The following UTS2 variants were observed in gnomAD, a reference collection of about 807,000 sequenced individuals.
UTS2 encodes urotensin-2.
Under a neutral mutation model 12.6 loss-of-function variants are expected in UTS2, and 10 were observed. That is an observed-to-expected ratio of 0.80 (90% CI 0.49 to 1.35). The LOEUF (loss-of-function observed/expected upper bound fraction) is 1.35, where lower values mean the gene tolerates loss of function less well. Ranked by LOEUF, UTS2 falls within the 40% of genes most tolerant of loss-of-function variation. UTS2 has a pLI of 0.00. For synonymous variants in UTS2, 52 were observed against 50.0 expected (o/e 1.04, Z -0.17); for missense variants, 142 against 143.2 (o/e 0.99, Z 0.04).
At chr1:7,905,555 T>C in the UTS2 span, among the ~76,000 whole-genome samples, 3 of 152,024 alleles carry the variant, frequency 2.0e-5, no homozygotes, top group Non-Finnish European at 4.4e-5. Context: ...AAACTTTGAA[T>C]AAAGCAGATG....
chr1:7,882,496 T>C, the UTS2 span, among the ~76,000 whole-genome samples: 1 of 152,182 alleles, frequency 6.6e-6, no homozygotes, highest in Admixed American at 6.5e-5. Flanking sequence ...CTTCAGGACA[T>C]CAGTCTTGGC....
chr1:7,912,260 T>G, the UTS2 span, among the ~76,000 whole-genome samples: 4 of 152,162 alleles, frequency 2.6e-5, no homozygotes, highest in African/African-American at 9.7e-5. Flanking sequence ...CTGAGATTCC[T>G]GAAAACCAGC....
the UTS2 span, among the ~76,000 whole-genome samples, chr1:7,879,834 G>A: frequency 6.6e-6 from 1 of 151,922 alleles, no homozygotes; most frequent in Non-Finnish European, 1.5e-5. Context: ...GTGCTAAAAG[G>A]GAAGTTTATA....
At chr1:7,863,715 T>G in the UTS2 span, among the ~76,000 whole-genome samples, 3 of 152,254 alleles carry the variant, frequency 2.0e-5, no homozygotes, top group African/African-American at 7.2e-5. Context: ...TTTTATTTAG[T>G]TTCCAGCCCA....
At chr1:7,869,702 C>T in the UTS2 span, among the ~76,000 whole-genome samples, 6 of 152,204 alleles carry the variant, frequency 3.9e-5, no homozygotes, top group African/African-American at 9.7e-5. Flanking sequence ...GCGGGGGATG[C>T]GTCACGCACC....
In UTS2 at chr1:7,847,666, G is replaced by A. The variant is rs2097409096; in HGVS notation, c.*100C>T. On this transcript the variant is annotated 3_prime_UTR_variant, in exon 4 of 4. Coordinates refer to ENST00000361696, the MANE Select transcript of UTS2 (RefSeq NM_006786.4). ...GGTAACAATGAACAGGGTGTAGTTT[G>A]CCTAGTTTTTCTCCACACTGTTTTC... 3 of 900,262 alleles carry A rather than the reference G, an allele frequency of 3.3e-6. No homozygotes were observed. Among genetic ancestry groups the A allele is most frequent in the South Asian group, 3.1e-5 (2 of 63,994 alleles). 55.8% of individuals were successfully genotyped at this position (900,262 alleles called of 1,614,324 possible). A position where few individuals can be genotyped will look rare whatever the true frequency, so the allele number is the denominator to read the frequency against.
chr1:7,877,370 C>T, the UTS2 span, among the ~76,000 whole-genome samples: 2 of 152,170 alleles, frequency 1.3e-5, no homozygotes, highest in East Asian at 1.9e-4. Flanking sequence ...AATTCATGAT[C>T]TGAATGCGAA....
chr1:7,910,114 T>C, the UTS2 span, among the ~76,000 whole-genome samples: 1 of 152,106 alleles, frequency 6.6e-6, no homozygotes, highest in Non-Finnish European at 1.5e-5. Flanking sequence ...GAAGCAAGTT[T>C]TTCTCTAAAC....
At chr1:7,886,866 C>A in the UTS2 span, among the ~76,000 whole-genome samples, 1 of 151,826 alleles carries the variant, frequency 6.6e-6, no homozygotes. Flanking sequence ...GCCTGACCAA[C>A]ATGGTGAAAC....
At chr1:7,862,162 C>G in the UTS2 span, among the ~76,000 whole-genome samples, 25 of 152,032 alleles carry the variant, frequency 1.6e-4, no homozygotes, top group Admixed American at 9.8e-4. Context: ...ATTCCCCCCC[C>G]GCCCCCGCAA....
chr1:7,899,417 G>A, the UTS2 span, among the ~76,000 whole-genome samples: 38 of 152,148 alleles, frequency 2.5e-4, 1 homozygote, highest in African/African-American at 7.5e-4. Context: ...ACTTTGAGTC[G>A]ATGCAGTTAG....
chr1:7,871,328 G>A, the UTS2 span, among the ~76,000 whole-genome samples: 1 of 143,614 alleles, frequency 7.0e-6, no homozygotes, highest in African/African-American at 2.7e-5. Context: ...TATCAGTCAC[G>A]TAACACAACG....
the UTS2 span, among the ~76,000 whole-genome samples, chr1:7,868,223 C>T: frequency 6.6e-6 from 1 of 152,136 alleles, no homozygotes; most frequent in African/African-American, 2.4e-5. Context: ...ATGCATGCTC[C>T]TTTCCAGTTT....
At chr1:7,849,074 G>A (rs936828780) in intron 3 of UTS2, among the ~76,000 whole-genome samples, 1 of 152,148 alleles carries the variant, frequency 6.6e-6, no homozygotes, top group Non-Finnish European at 1.5e-5. Context: ...CTGGAGAGCA[G>A]GGACCTCACC....
chr1:7,889,632 C>T, the UTS2 span, among the ~76,000 whole-genome samples: 1 of 151,816 alleles, frequency 6.6e-6, no homozygotes, highest in South Asian at 2.1e-4. Context: ...TGGCAAAACC[C>T]AATCTCTACT....
chr1:7,885,685 G>T, the UTS2 span, among the ~76,000 whole-genome samples: 2 of 152,006 alleles, frequency 1.3e-5, no homozygotes, highest in African/African-American at 2.4e-5. Context: ...GGCATGGCAT[G>T]GGCCAGAGGG....
At chr1:7,849,591 T>C in intron 3 of UTS2, 49 bp downstream of exon 3, 2 of 1,498,806 alleles carry the variant, frequency 1.3e-6, no homozygotes, top group African/African-American at 1.4e-5. Context: ...GTAAAACCAG[T>C]ACAGAATGTT....
the UTS2 span, among the ~76,000 whole-genome samples, chr1:7,891,631 C>G: frequency 6.6e-6 from 1 of 151,286 alleles, no homozygotes; most frequent in East Asian, 1.9e-4. Context: ...GTATTCTCAT[C>G]ACAAAAATTG....
chr1:7,863,022 TGTATTGTATTGTATTGTATTGTATTG>T, the UTS2 span, among the ~76,000 whole-genome samples: 1 of 24,784 alleles, frequency 4.0e-5, no homozygotes, highest in African/African-American at 1.2e-4. Flanking sequence ...TGTATTGTAT[TGTATTGTATTGTATTGTATTGTATTG>T]TATTGTATTG....
Sources: gnomAD v4.1 joint callset for allele counts (sites outside exome capture counted in the v4.1 genomes callset) on GRCh38, gnomAD v4.1.1 for gene constraint, MANE v1.5 for transcripts, NCBI Gene and HGNC (gene_info 2026-07-23, HGNC 2026-07-21) for gene names.